NUDCD3: variants seen among roughly 807,000 people sequenced by gnomAD.
The protein encoded by NUDCD3 is nudC domain-containing protein 3.
A neutral mutation model predicts 39.7 loss-of-function variants in NUDCD3; 13 were observed. The observed-to-expected ratio is 0.33, with a 90% confidence interval of 0.21 to 0.52. NUDCD3 has a LOEUF of 0.52. NUDCD3 is among the 20% of genes least tolerant of loss of function. NUDCD3 has a pLI of 0.96. For missense variants in NUDCD3, 453 were observed against 458.1 expected, an observed-to-expected ratio of 0.99 and a Z score of 0.10; for synonymous variants, 175 against 172.4, an observed-to-expected ratio of 1.02 and a Z score of -0.12.
chr7:44,388,548 C>T (rs1433718483), intron 5 of NUDCD3, among the ~76,000 whole-genome samples: 1 of 152,270 alleles, frequency 6.6e-6, no homozygotes, highest in Non-Finnish European at 1.5e-5. Context: ...CCTCCATATG[C>T]TGCAGACCCT....
chr7:44,436,687 T>C (rs1186315700), intron 2 of NUDCD3, among the ~76,000 whole-genome samples: 1 of 152,254 alleles, frequency 6.6e-6, no homozygotes, highest in African/African-American at 2.4e-5. Flanking sequence ...GCTGAACAGC[T>C]CTTCATATAC....
At chr7:44,439,904 T>A (rs775822071) in intron 2 of NUDCD3, among the ~76,000 whole-genome samples, 1 of 152,184 alleles carries the variant, frequency 6.6e-6, no homozygotes, top group African/African-American at 2.4e-5. Context: ...CTAACATCAG[T>A]AGGACCTTAA....
chr7:44,426,296 G>A (rs1484949706), intron 3 of NUDCD3: 4 of 305,962 alleles, frequency 1.3e-5, no homozygotes, highest in African/African-American at 6.8e-5. Context: ...AAAGGAGAAT[G>A]GTTGGTATCA....
At chr7:44,412,211 T>C (rs1175698906) in intron 3 of NUDCD3, among the ~76,000 whole-genome samples, 1 of 152,230 alleles carries the variant, frequency 6.6e-6, no homozygotes, top group Non-Finnish European at 1.5e-5. Flanking sequence ...TGTGTGGATA[T>C]ATCCAAAAAA....
intron 2 of NUDCD3, among the ~76,000 whole-genome samples, chr7:44,455,983 G>A (rs1248637093): frequency 4.5e-5 from 5 of 111,692 alleles, no homozygotes; most frequent in Admixed American, 3.8e-4. Flanking sequence ...CCGAGATCCC[G>A]CCACTGCACT....
chr7:44,384,540 CA>C lies in NUDCD3; in HGVS notation c.*1470del, dbSNP rs1332180146. The C allele has an allele frequency of 6.6e-6, 1 of 152,260 alleles. No individual in the cohort carries two copies. Among genetic ancestry groups the C allele is most frequent in the Non-Finnish European group, 1.5e-5 (1 of 68,086 alleles). The allele number at this position is 152,260 out of a possible 1,614,324, so 9.4% of individuals were successfully genotyped here. On this transcript the variant is annotated 3_prime_UTR_variant, in exon 6 of 6. Coordinates refer to ENST00000355451, the MANE Select transcript of NUDCD3 (RefSeq NM_015332.4). ...AGGAATGCTTTCTTACAAGGGGTGTCAGCCACCACTGTAAACCAGAAACAAA... is the reference window on the plus strand; with the variant it reads ...AGGAATGCTTTCTTACAAGGGGTGTCGCCACCACTGTAAACCAGAAACAAA...
At chr7:44,408,356 G>C (rs1220228723) in intron 3 of NUDCD3, among the ~76,000 whole-genome samples, 1 of 152,186 alleles carries the variant, frequency 6.6e-6, no homozygotes, top group Non-Finnish European at 1.5e-5. Context: ...AATACCAGGA[G>C]TGTAGCTATA....
At chr7:44,489,131 T>G (rs1405719715) in intron 1 of NUDCD3, among the ~76,000 whole-genome samples, 2 of 152,220 alleles carry the variant, frequency 1.3e-5, no homozygotes, top group African/African-American at 2.4e-5. Context: ...TGGCTGTGTG[T>G]TCTTGGTCAA....
rs568203605 is a variant in NUDCD3, at chr7:44,390,102, C to T, written c.975+2195G>A. 3.9e-5 allele frequency among the ~76,000 whole-genome samples: 6 copies of T among 152,296 alleles called. No individual in the cohort carries two copies. The East Asian group carries it at 5.8e-4, about 15-fold the overall frequency. ...AAAACTGGCCAGGCGTGGTGGCTCA[C>T]GTCTGTAATACCAGCACTTTGGGAG... On this transcript the variant is annotated intron_variant, in intron 5 of 5. Coordinates refer to ENST00000355451, the MANE Select transcript of NUDCD3 (RefSeq NM_015332.4).
At chr7:44,425,593 A>G (rs992175636) in intron 3 of NUDCD3, among the ~76,000 whole-genome samples, 2 of 152,208 alleles carry the variant, frequency 1.3e-5, no homozygotes, top group African/African-American at 4.8e-5. Context: ...ACTGGGAACA[A>G]TGGCTCACAC....
At chr7:44,395,406 C>T (rs1258876555) in intron 4 of NUDCD3, among the ~76,000 whole-genome samples, 1 of 152,316 alleles carries the variant, frequency 6.6e-6, no homozygotes, top group African/African-American at 2.4e-5. Context: ...AGGCAAAATC[C>T]ACTTAACACA....
At chr7:44,461,738 G>A (rs968951082) in intron 2 of NUDCD3, among the ~76,000 whole-genome samples, 2 of 152,136 alleles carry the variant, frequency 1.3e-5, no homozygotes, top group African/African-American at 2.4e-5. Context: ...GAAACAGAAA[G>A]TTTGGGATCC....
chr7:44,479,177 G>C (rs1800439301), intron 2 of NUDCD3, among the ~76,000 whole-genome samples: 1 of 152,172 alleles, frequency 6.6e-6, no homozygotes, highest in Non-Finnish European at 1.5e-5. Context: ...TGACATGTGA[G>C]GATTATGGGA....
At chr7:44,470,178 A>C (rs559289562) in intron 2 of NUDCD3, among the ~76,000 whole-genome samples, 1 of 152,294 alleles carries the variant, frequency 6.6e-6, no homozygotes, top group Non-Finnish European at 1.5e-5. Flanking sequence ...TTTTTAAAAG[A>C]CCAAAAAATA....
intron 2 of NUDCD3, chr7:44,468,305 A>G (rs879146266): frequency 1.9e-6 from 3 of 1,553,942 alleles, no homozygotes; most frequent in Non-Finnish European, 2.6e-6. Flanking sequence ...AAATGAGTAG[A>G]CAGCTCGTGT....
At chr7:44,421,331 T>TAAA (rs531473757) in intron 3 of NUDCD3, among the ~76,000 whole-genome samples, 4 of 124,598 alleles carry the variant, frequency 3.2e-5, no homozygotes, top group Admixed American at 1.7e-4. Context: ...AGACTCCGTC[T>TAAA]AAAAAAAAAA....
chr7:44,450,508 C>T (rs1799774258), intron 2 of NUDCD3, among the ~76,000 whole-genome samples: 1 of 151,916 alleles, frequency 6.6e-6, no homozygotes, highest in African/African-American at 2.4e-5. Flanking sequence ...ACACCAAATG[C>T]TGGCCATGCA....
chr7:44,464,447 T>C (rs567096073), intron 2 of NUDCD3, among the ~76,000 whole-genome samples: 1 of 151,842 alleles, frequency 6.6e-6, no homozygotes, highest in Non-Finnish European at 1.5e-5. Context: ...GGCAGAGAAA[T>C]GTACCTTGAC....
chr7:44,379,670 A>T lies in NUDCD3; in HGVS notation c.*6341T>A, dbSNP rs1798275929. ...GGGGATAGCAAAAGCTTAAGAAGTG[A>T]CTCTTGCCATCACATGGCTGACCAC... On this transcript the variant is annotated 3_prime_UTR_variant, in exon 6 of 6. Coordinates refer to ENST00000355451, the MANE Select transcript of NUDCD3 (RefSeq NM_015332.4). 6.6e-6 allele frequency: 1 copy of T among 152,084 alleles called. No homozygotes were observed. The highest frequency in any genetic ancestry group is 1.5e-5 in the Non-Finnish European group (1 of 68,066). The allele number at this position is 152,084 out of a possible 1,614,324, so 9.4% of individuals were successfully genotyped here. A position where few individuals can be genotyped will look rare whatever the true frequency, so the allele number is the denominator to read the frequency against.
Sources: allele counts gnomAD v4.1 joint callset (sites outside exome capture counted in the v4.1 genomes callset), GRCh38; gene constraint gnomAD v4.1.1; transcripts MANE v1.5; gene names NCBI Gene and HGNC (gene_info 2026-07-23, HGNC 2026-07-21).